The following RGS22 variants were observed in gnomAD, a reference collection of about 807,000 sequenced individuals.
RGS22 encodes regulator of G-protein signaling 22.
A neutral mutation model predicts 172.9 loss-of-function variants in RGS22; 148 were observed. That is an observed-to-expected ratio of 0.86 (90% CI 0.75 to 0.98). The LOEUF (loss-of-function observed/expected upper bound fraction) is 0.98, where lower values mean the gene tolerates loss of function less well. Ranked by LOEUF, RGS22 falls within the 50% of genes least tolerant of loss-of-function variation. The pLI is 0.00. For synonymous variants in RGS22, 458 were observed against 480.2 expected (o/e 0.95, Z 0.60); for missense variants, 1,347 against 1,440.8 (o/e 0.93, Z 1.05).
intron 5 of RGS22, 148 bp from the exon 6 acceptor site, chr8:100,071,685 A>C: frequency 1.9e-6 from 1 of 537,192 alleles, no homozygotes; most frequent in East Asian, 3.2e-5. Flanking sequence ...TTAATAGCTT[A>C]TTCATAAAAC....
Position 100,039,948 on chromosome 8 carries a change from T to G in RGS22, c.2064+14A>C. 2 of 1,400,010 alleles carry G rather than the reference T, an allele frequency of 1.4e-6. No homozygotes were observed. The highest frequency in any genetic ancestry group is 3.3e-5 in the Admixed American group (1 of 30,714). The allele number at this position is 1,400,010 out of a possible 1,614,324, so 86.7% of individuals were successfully genotyped here. ...TAAAATTATAAAATTAAATTTTAAA[T>G]AATTCTTTTCTACCTTGTTCCCTGA... is the stretch of plus-strand genomic sequence containing the variant. On this transcript the variant is annotated intron_variant, in intron 13 of 27. Transcript: ENST00000360863.
At chr8:99,995,201 C>G (rs1554608814) in intron 20 of RGS22, among the ~76,000 whole-genome samples, 1 of 152,146 alleles carries the variant, frequency 6.6e-6, no homozygotes, top group Non-Finnish European at 1.5e-5. Flanking sequence ...AGGACATAGG[C>G]ATGGGCAAGG....
chr8:99,962,906 G>C lies in RGS22; in HGVS notation c.3688C>G (p.Leu1230Val). The C allele has an allele frequency of 6.2e-7, 1 of 1,600,300 alleles. No homozygotes were observed. The highest frequency in any genetic ancestry group is 8.5e-7 in the Non-Finnish European group (1 of 1,176,908). The change falls in exon 25 of 28, where the codon CTA becomes GTA. Residue 1230 changes from leucine (L) to valine (V), a missense_variant. Transcript: ENST00000360863. Reference sequence around the variant, plus strand: ...TTACCTGCAAACAACTTTTTTTCTAGTTCTTCTTGGATCTTAAGAAGAATT... The same window carrying C: ...TTACCTGCAAACAACTTTTTTTCTACTTCTTCTTGGATCTTAAGAAGAATT... ...ERILLKIQEELEKKLFAGLQP... is the reference protein window; with the variant it reads ...ERILLKIQEEVEKKLFAGLQP...
At chr8:100,102,523 C>A (rs1813578794) in intron 2 of RGS22, among the ~76,000 whole-genome samples, 1 of 152,152 alleles carries the variant, frequency 6.6e-6, no homozygotes. Flanking sequence ...AATCTATAGA[C>A]AATACTTGGT....
At chr8:99,974,815 A>AT (rs1811754419) in intron 23 of RGS22, among the ~76,000 whole-genome samples, 1 of 151,304 alleles carries the variant, frequency 6.6e-6, no homozygotes, top group Admixed American at 6.6e-5. Flanking sequence ...AAAAATGGAT[A>AT]TAATTATGTA....
At chr8:100,074,637 A>T (rs1304152035) in intron 4 of RGS22, among the ~76,000 whole-genome samples, 1 of 152,214 alleles carries the variant, frequency 6.6e-6, no homozygotes, top group African/African-American at 2.4e-5. Context: ...CACTGTATGG[A>T]TATACCACAG....
At chr8:100,075,050 G>A (rs1811251084) in intron 4 of RGS22, among the ~76,000 whole-genome samples, 1 of 152,176 alleles carries the variant, frequency 6.6e-6, no homozygotes, top group Non-Finnish European at 1.5e-5. Flanking sequence ...GATTACAGGT[G>A]TGAGCCACCG....
At position 99,996,455 on chromosome 8, in the gene RGS22, T is replaced by C. The variant is rs1175359202; in HGVS notation, c.3018+7A>G. 6.2e-7 allele frequency: 1 copy of C among 1,608,576 alleles called. No individual in the cohort carries two copies. The highest frequency in any genetic ancestry group is 1.1e-5 in the South Asian group (1 of 90,942). ...ACAAGAGGAAGAATATAACAAACATTACTTGCCTTCCAGACCCCGATTTTC... is the reference window on the plus strand; with the variant it reads ...ACAAGAGGAAGAATATAACAAACATCACTTGCCTTCCAGACCCCGATTTTC... On this transcript the variant is annotated splice_region_variant and intron_variant, in intron 20 of 27. Transcript: ENST00000360863.
At chr8:100,043,763 ACT>A (rs892939945) in intron 11 of RGS22, among the ~76,000 whole-genome samples, 6 of 151,536 alleles carry the variant, frequency 4.0e-5, no homozygotes, top group Non-Finnish European at 7.4e-5. Flanking sequence ...GCAGAGTGAG[ACT>A]CTGTCTCAAA....
intron 11 of RGS22, among the ~76,000 whole-genome samples, chr8:100,043,613 T>C (rs1052752176): frequency 6.6e-6 from 1 of 151,910 alleles, no homozygotes. Context: ...CCGTCTCTAC[T>C]AAAAATACAA....
At chr8:99,978,663 C>T (rs1424061719) in intron 22 of RGS22, among the ~76,000 whole-genome samples, 1 of 152,164 alleles carries the variant, frequency 6.6e-6, no homozygotes, top group Non-Finnish European at 1.5e-5. Flanking sequence ...TGGACAAATG[C>T]TTTCTATAAG....
chr8:100,094,765 T>A (rs1406711183), intron 2 of RGS22, among the ~76,000 whole-genome samples: 1 of 152,212 alleles, frequency 6.6e-6, no homozygotes, highest in Non-Finnish European at 1.5e-5. Context: ...AAACTTTACC[T>A]TTCAAAGTTA....
chr8:99,995,951 G>A (rs1464071846), intron 20 of RGS22, among the ~76,000 whole-genome samples: 2 of 152,172 alleles, frequency 1.3e-5, no homozygotes, highest in Non-Finnish European at 2.9e-5. Flanking sequence ...ATGAGTTCAT[G>A]TCCTTCGCAG....
At chr8:100,084,639 C>T (rs1021386252) in intron 3 of RGS22, among the ~76,000 whole-genome samples, 3 of 152,228 alleles carry the variant, frequency 2.0e-5, no homozygotes, top group East Asian at 1.9e-4. Flanking sequence ...TGAAAAGCCA[C>T]GCATTAGCTT....
At chr8:100,095,556 T>C (rs1260668013) in intron 2 of RGS22, among the ~76,000 whole-genome samples, 1 of 152,164 alleles carries the variant, frequency 6.6e-6, no homozygotes, top group Non-Finnish European at 1.5e-5. Flanking sequence ...GAAAATGAAA[T>C]AAAAGATACA....
chr8:100,040,942 TC>T (rs980425301), intron 12 of RGS22, among the ~76,000 whole-genome samples: 19 of 152,096 alleles, frequency 1.2e-4, no homozygotes, highest in African/African-American at 4.6e-4. Context: ...TGTTTAACTA[TC>T]AGCATTACAA....
At position 99,981,920 on chromosome 8, in the gene RGS22, A is replaced by G; in HGVS notation, c.3360+17T>C. The G allele has an allele frequency of 6.3e-7, 1 of 1,593,966 alleles. No individual in the cohort carries two copies. Among genetic ancestry groups the G allele is most frequent in the Non-Finnish European group, 8.5e-7 (1 of 1,170,856 alleles). ...TCTATTTTAAAATATGCTTAGCCACATGCCCTGATCTCTTACCTGTGCCTC... is the reference window on the plus strand; with the variant it reads ...TCTATTTTAAAATATGCTTAGCCACGTGCCCTGATCTCTTACCTGTGCCTC... On this transcript the variant is annotated intron_variant, in intron 22 of 27. Transcript: ENST00000360863.
At chr8:100,028,023 T>C (rs1245522391) in intron 14 of RGS22, among the ~76,000 whole-genome samples, 5 of 152,184 alleles carry the variant, frequency 3.3e-5, no homozygotes, top group Non-Finnish European at 7.3e-5. Context: ...ATAGTCTTTT[T>C]TCACTCTGCA....
At chr8:99,982,303 A>T (rs1486200249) in intron 21 of RGS22, among the ~76,000 whole-genome samples, 187 bp from the exon 22 acceptor site, 1 of 152,178 alleles carries the variant, frequency 6.6e-6, no homozygotes, top group Non-Finnish European at 1.5e-5. Context: ...GGAACCTAAG[A>T]CTTTGATACA....
Sources: gnomAD v4.1 joint callset for allele counts (sites outside exome capture counted in the v4.1 genomes callset) on GRCh38, gnomAD v4.1.1 for gene constraint, MANE v1.5 for transcripts, NCBI Gene and HGNC (gene_info 2026-07-23, HGNC 2026-07-21) for gene names.